CCDC158: variants seen among roughly 807,000 people sequenced by gnomAD.
CCDC158 encodes coiled-coil domain containing 158.
CCDC158 carries 116 observed loss-of-function variants against 138.6 expected under a neutral mutation model. That is an observed-to-expected ratio of 0.84 (90% CI 0.72 to 0.98). The LOEUF is 0.98. Ranked by LOEUF, CCDC158 falls within the 50% of genes least tolerant of loss-of-function variation. The probability of loss-of-function intolerance (pLI) is 0.00; values close to 1 mark genes in which losing one functional copy is unlikely to be tolerated. For synonymous variants in CCDC158, 436 were observed against 442.4 expected, an observed-to-expected ratio of 0.99 and a Z score of 0.18; for missense variants, 1,265 against 1,306.1, an observed-to-expected ratio of 0.97 and a Z score of 0.48.
intron 12 of CCDC158, 76 bp from the exon 13 acceptor site, chr4:76,362,391 A>T (rs1724236880): frequency 9.5e-7 from 1 of 1,048,098 alleles, no homozygotes. Context: ...ATAGCTGCTA[A>T]CACAGTCCTA....
intron 12 of CCDC158, among the ~76,000 whole-genome samples, chr4:76,363,875 G>A (rs569286525): frequency 4.6e-5 from 7 of 152,240 alleles, no homozygotes; most frequent in Non-Finnish European, 1.0e-4. Flanking sequence ...AGTGGTTGGC[G>A]TGGGGGTAGG....
intron 18 of CCDC158, among the ~76,000 whole-genome samples, chr4:76,341,600 C>A (rs898965955): frequency 2.0e-5 from 3 of 152,128 alleles, no homozygotes; most frequent in African/African-American, 7.2e-5. Context: ...TCAATTCTAT[C>A]ATCCTAGATA....
At chr4:76,326,565 A>T (rs1478552427) in intron 22 of CCDC158, among the ~76,000 whole-genome samples, 1 of 152,216 alleles carries the variant, frequency 6.6e-6, no homozygotes, top group Non-Finnish European at 1.5e-5. Context: ...CTGCATGAAA[A>T]AATCATATCT....
intron 10 of CCDC158, among the ~76,000 whole-genome samples, chr4:76,371,123 T>C (rs1725194515): frequency 2.0e-5 from 3 of 152,222 alleles, no homozygotes; most frequent in Admixed American, 2.0e-4. Context: ...GGCCTTAAAA[T>C]GAACGTGTAA....
At chr4:76,368,769 A>G (rs1276273666) in intron 11 of CCDC158, among the ~76,000 whole-genome samples, 2 of 152,202 alleles carry the variant, frequency 1.3e-5, no homozygotes, top group Admixed American at 6.5e-5. Flanking sequence ...GTTGCTTCTC[A>G]GGCTGCCCAA....
chr4:76,409,685 GC>G (rs1410760855), intron 2 of CCDC158, among the ~76,000 whole-genome samples: 2 of 152,070 alleles, frequency 1.3e-5, no homozygotes, highest in South Asian at 2.1e-4. Context: ...CAAAAAATTA[GC>G]CAGGTGTGGT....
At chr4:76,323,536 A>T (rs1720241487) in intron 23 of CCDC158, 127 bp from the exon 24 acceptor site, 1 of 640,906 alleles carries the variant, frequency 1.6e-6, no homozygotes, top group South Asian at 2.3e-5. Context: ...ACAAATTCTA[A>T]AAGAGCTATA....
intron 9 of CCDC158, among the ~76,000 whole-genome samples, chr4:76,374,545 C>T (rs887876502): frequency 9.2e-5 from 14 of 152,094 alleles, no homozygotes; most frequent in African/African-American, 2.4e-4. Flanking sequence ...GTATTCTAGA[C>T]GATCTCTCAT....
In CCDC158 at chr4:76,353,133, G is replaced by A; in HGVS notation, c.2435C>T (p.Ala812Val). Residue 812 changes from alanine to valine, a missense_variant, in exon 16 of 25, where the codon GCT (alanine) becomes GTT (valine). Transcript: ENST00000682701. ...TTAGTTAATAATTACCTTATCCAGA[G>A]CCACTTCCATATTAGTAACCTTTTC... ...LKEKVTNMEV[A>V]LDKASLQFAE... The A allele has an allele frequency of 6.2e-7, 1 of 1,611,398 alleles. No individual in the cohort carries two copies.
chr4:76,323,116 TG>T (rs1720189616), intron 24 of CCDC158, among the ~76,000 whole-genome samples, 185 bp downstream of exon 24: 1 of 151,902 alleles, frequency 6.6e-6, no homozygotes, highest in African/African-American at 2.4e-5. Context: ...AGGGCAAGAG[TG>T]ACCTGCCCAT....
At position 76,331,324 on chromosome 4, in the gene CCDC158, TG is replaced by T; in HGVS notation, c.2942+19del. ...AGTCGTAAAAGGGACATTTTGAAAA[TG>T]GGGGCTGGTATTTCCTACCTACTAA... is the stretch of plus-strand genomic sequence containing the variant. On this transcript the variant is annotated intron_variant, in intron 21 of 24. Coordinates refer to ENST00000682701, the MANE Select transcript of CCDC158 (RefSeq NM_001394954.1). 1 of 1,606,942 alleles carries T rather than the reference TG, an allele frequency of 6.2e-7. No homozygotes were observed. Among genetic ancestry groups the T allele is most frequent in the Non-Finnish European group, 8.5e-7 (1 of 1,173,548 alleles).
intron 1 of CCDC158, among the ~76,000 whole-genome samples, chr4:76,413,041 T>C (rs902174849): frequency 2.0e-5 from 3 of 152,196 alleles, no homozygotes; most frequent in African/African-American, 7.2e-5. Context: ...CCAGGCAACA[T>C]CACTTGTGCT....
intron 13 of CCDC158, among the ~76,000 whole-genome samples, chr4:76,359,000 T>C (rs1426021110): frequency 6.6e-6 from 1 of 152,098 alleles, no homozygotes; most frequent in Non-Finnish European, 1.5e-5. Context: ...TGGGAGGTGA[T>C]TGGATCATGG....
intron 9 of CCDC158, among the ~76,000 whole-genome samples, chr4:76,376,027 C>A (rs1463795061): frequency 6.6e-6 from 1 of 151,692 alleles, no homozygotes; most frequent in East Asian, 1.9e-4. Flanking sequence ...ATCAACACAC[C>A]TTTATTAGTT....
chr4:76,411,336 A>C (rs1729280151), intron 2 of CCDC158, among the ~76,000 whole-genome samples: 1 of 152,126 alleles, frequency 6.6e-6, no homozygotes, highest in African/African-American at 2.4e-5. Flanking sequence ...CAAGAGTTCA[A>C]GGCTGTAATC....
In CCDC158 at chr4:76,396,298, C is replaced by T; in HGVS notation, c.259G>A (p.Val87Ile). 1 of 1,613,364 alleles carries T rather than the reference C, an allele frequency of 6.2e-7. No homozygotes were observed. Among genetic ancestry groups the T allele is most frequent in the South Asian group, 1.1e-5 (1 of 90,846 alleles). Reference protein sequence around the residue: ...ERVLEEYSHQVKDLQRRLNES... With the variant: ...ERVLEEYSHQIKDLQRRLNES... The stretch of plus-strand genomic sequence containing the variant: ...TTTAGTCTTCTCTGTAAATCTTTGA[C>T]TTGATGTGAATATTCTTCCAAAACA... Residue 87 changes from valine (V) to isoleucine (I), a missense_variant, in exon 4 of 25, where the codon GTC becomes ATC. Transcript: ENST00000682701.
intron 1 of CCDC158, among the ~76,000 whole-genome samples, chr4:76,419,285 A>G (rs982594802): frequency 6.6e-6 from 1 of 152,170 alleles, no homozygotes; most frequent in African/African-American, 2.4e-5. Context: ...ATATACAGTG[A>G]TCTCCACTAC....
At chr4:76,348,888 A>G (rs1335341668) in intron 18 of CCDC158, among the ~76,000 whole-genome samples, 1 of 152,194 alleles carries the variant, frequency 6.6e-6, no homozygotes, top group Non-Finnish European at 1.5e-5. Flanking sequence ...GAAAATAGAG[A>G]AAACAAACTG....
At position 76,381,900 on chromosome 4, in the gene CCDC158, C is replaced by T. The variant is rs573789394; in HGVS notation, c.914+710G>A. On this transcript the variant is annotated intron_variant, in intron 8 of 24. Coordinates refer to ENST00000682701, the MANE Select transcript of CCDC158 (RefSeq NM_001394954.1). Reference sequence around the variant, plus strand: ...GTTTCACCGTGTTAGCCAGGATGCTCTCGATCTCCTGACCTCGTGATCTGC... The same window carrying T: ...GTTTCACCGTGTTAGCCAGGATGCTTTCGATCTCCTGACCTCGTGATCTGC... Among the ~76,000 whole-genome samples, 5 of 150,376 alleles carry T rather than the reference C, an allele frequency of 3.3e-5. No individual in the cohort carries two copies. The East Asian group carries it at 9.7e-4, about 29-fold the overall frequency.
Sources: allele counts gnomAD v4.1 joint callset (sites outside exome capture counted in the v4.1 genomes callset), GRCh38; gene constraint gnomAD v4.1.1; transcripts MANE v1.5; gene names NCBI Gene and HGNC (gene_info 2026-07-23, HGNC 2026-07-21).